The following RPTOR variants were observed in gnomAD, a reference collection of about 807,000 sequenced individuals.
RPTOR encodes the protein regulatory-associated protein of mTOR.
Under a neutral mutation model 169.9 loss-of-function variants are expected in RPTOR, and 21 were observed. That is an observed-to-expected ratio of 0.12 (90% CI 0.09 to 0.18). The LOEUF is 0.18. Among genes scored for constraint, RPTOR ranks in the 10% least tolerant of loss-of-function variants. RPTOR has a pLI of 1.00. For synonymous variants in RPTOR, 732 were observed against 753.2 expected, an observed-to-expected ratio of 0.97 and a Z score of 0.46; for missense variants, 1,133 against 1,855.9, an observed-to-expected ratio of 0.61 and a Z score of 7.16.
In RPTOR at chr17:80,957,510, T is replaced by A. The variant is rs552137463; in HGVS notation, c.3371-114T>A. The A allele has an allele frequency of 1.2e-5, 11 of 927,540 alleles. No individual in the cohort carries two copies. In the East Asian group the frequency reaches 2.2e-4, roughly 18 times the overall value. The allele number at this position is 927,540 out of a possible 1,614,324, so 57.5% of individuals were successfully genotyped here. ...ATATGGACCCACCAGATGGGCTCGA[T>A]GGTGGCAGGGGTACCTTGTAGCTGC... On this transcript the variant is annotated intron_variant, in intron 28 of 33. Coordinates refer to ENST00000306801, the MANE Select transcript of RPTOR (RefSeq NM_020761.3). This position sits in a 1 kb window ranked among gnomAD's most constrained non-coding sequence, Gnocchi z 4.6.
intron 13 of RPTOR, among the ~76,000 whole-genome samples, chr17:80,859,246 A>G (rs932908060): frequency 2.6e-5 from 4 of 152,252 alleles, no homozygotes; most frequent in African/African-American, 9.6e-5. Context: ...TGGAAGGCTC[A>G]GCTGCGGGAG....
intron 7 of RPTOR, among the ~76,000 whole-genome samples, chr17:80,807,362 C>T (rs192644509): frequency 5.4e-4 from 81 of 151,344 alleles, no homozygotes; most frequent in African/African-American, 1.6e-3. Context: ...TTTTTTGGAG[C>T]GGGGGGAACG....
chr17:80,738,121 A>C (rs2066450192), intron 5 of RPTOR, among the ~76,000 whole-genome samples: 1 of 152,190 alleles, frequency 6.6e-6, no homozygotes, highest in Non-Finnish European at 1.5e-5. Context: ...AGGCCCATGG[A>C]GGATGAGGTC....
intron 1 of RPTOR, among the ~76,000 whole-genome samples, chr17:80,568,158 C>T (rs1015522903): frequency 3.3e-5 from 5 of 152,144 alleles, no homozygotes; most frequent in African/African-American, 9.7e-5. Context: ...GTCTGCCTGC[C>T]TCAGCCTCCC....
intron 32 of RPTOR, 150 bp downstream of exon 32, chr17:80,962,727 C>A: frequency 1.8e-6 from 2 of 1,097,106 alleles, no homozygotes; most frequent in Non-Finnish European, 2.6e-6. Flanking sequence ...AAGATGTCTG[C>A]CCACCACATC....
At chr17:80,642,111 A>G (rs9896374) in intron 2 of RPTOR, among the ~76,000 whole-genome samples, 9,874 of 152,258 alleles carry the variant, frequency 0.065, 1,064 homozygotes, top group African/African-American at 0.23. Context: ...ACCTACCACT[A>G]TGAGCCTGGC....
chr17:80,874,710 A>G (rs1339909802), intron 13 of RPTOR, among the ~76,000 whole-genome samples: 2 of 152,070 alleles, frequency 1.3e-5, no homozygotes, highest in African/African-American at 4.8e-5. Context: ...TAGCAGTTTT[A>G]TTGGCACCCA....
intron 1 of RPTOR, among the ~76,000 whole-genome samples, chr17:80,576,333 T>C (rs1301417661): frequency 6.6e-6 from 1 of 152,226 alleles, no homozygotes; most frequent in Non-Finnish European, 1.5e-5. Context: ...GCACTGTTTT[T>C]CTCTTGTAAT....
rs1000092980 is a variant in RPTOR at position 80,711,885 on chromosome 17, A to C, written c.507+3886A>C. On this transcript the variant is annotated intron_variant, in intron 4 of 33. Transcript: ENST00000306801. ...CAGTCTCCTGAGTAGCTGGGATTAC[A>C]GGCGCCCGCCGCCACGCCCGGCTAA... Among the ~76,000 whole-genome samples the C allele has an allele frequency of 7.9e-5, 12 of 151,840 alleles. No homozygotes were observed. In the East Asian group the frequency reaches 2.3e-3, roughly 29 times the overall value.
At chr17:80,870,462 G>A (rs2589142) in intron 13 of RPTOR, among the ~76,000 whole-genome samples, 46,134 of 152,128 alleles carry the variant, frequency 0.3, 8,704 homozygotes, top group African/African-American at 0.53. Flanking sequence ...GTATGCTGGC[G>A]TTGATAGCCT....
At chr17:80,549,824 C>T (rs1232084653) in intron 1 of RPTOR, among the ~76,000 whole-genome samples, 2 of 152,218 alleles carry the variant, frequency 1.3e-5, no homozygotes, top group Non-Finnish European at 2.9e-5. Context: ...TGTAGCACCC[C>T]TGGCAGACAC....
intron 1 of RPTOR, among the ~76,000 whole-genome samples, chr17:80,558,423 T>G (rs1037712775): frequency 7.9e-5 from 12 of 152,200 alleles, no homozygotes; most frequent in Non-Finnish European, 2.9e-5. Context: ...AGAACAAGTT[T>G]GAATTTTACC....
At chr17:80,789,655 C>T (rs2067027631) in intron 6 of RPTOR, among the ~76,000 whole-genome samples, 1 of 152,182 alleles carries the variant, frequency 6.6e-6, no homozygotes, top group Admixed American at 6.5e-5. Flanking sequence ...ATGGTCTCAA[C>T]CCAGTAAGGC....
chr17:80,701,903 C>T (rs371401620), intron 3 of RPTOR, among the ~76,000 whole-genome samples: 2 of 151,808 alleles, frequency 1.3e-5, no homozygotes, highest in East Asian at 1.9e-4. Context: ...CCCAGGTGGC[C>T]GTCTCTCCTT....
chr17:80,634,682 GCGTAC>G (rs2065486419), intron 2 of RPTOR, among the ~76,000 whole-genome samples: 1 of 123,286 alleles, frequency 8.1e-6, no homozygotes. Context: ...TACTGTGTGT[GCGTAC>G]TGTGTGCGTG....
chr17:80,731,121 C>T (rs993110724), intron 5 of RPTOR, among the ~76,000 whole-genome samples: 4 of 152,142 alleles, frequency 2.6e-5, no homozygotes, highest in Non-Finnish European at 4.4e-5. Context: ...TCAAGCAACG[C>T]GTGTGCCTCA....
Position 80,668,780 on chromosome 17 carries a change from C to T in RPTOR, c.348+24970C>T, listed in dbSNP as rs186995841. ...GCTGCCCCAGGGATCACAGGCAGAG[C>T]GGGTCCTGCTGGAGTTTAGTCTCAG... On this transcript the variant is annotated intron_variant, in intron 3 of 33. Transcript: ENST00000306801. 1.5e-3 allele frequency among the ~76,000 whole-genome samples: 235 copies of T among 152,348 alleles called. 2 individuals carry two copies. Among genetic ancestry groups the T allele is most frequent in the Admixed American group, 6.2e-3 (95 of 15,310 alleles).
chr17:80,772,366 G>T (rs1312139795), intron 6 of RPTOR, among the ~76,000 whole-genome samples: 1 of 152,106 alleles, frequency 6.6e-6, no homozygotes, highest in East Asian at 1.9e-4. Flanking sequence ...GACCCAAATG[G>T]TGCTGGGTTG....
chr17:80,670,544 A>G (rs1275335482), intron 3 of RPTOR, among the ~76,000 whole-genome samples: 1 of 152,082 alleles, frequency 6.6e-6, no homozygotes, highest in South Asian at 2.1e-4. Context: ...TACCTCTCAC[A>G]CACTGTGCAG....
Sources: allele counts gnomAD v4.1 joint callset (sites outside exome capture counted in the v4.1 genomes callset), GRCh38; gene constraint gnomAD v4.1.1; non-coding constraint Gnocchi (gnomAD v3.1); transcripts MANE v1.5; gene names NCBI Gene and HGNC (gene_info 2026-07-23, HGNC 2026-07-21).